LRRC3B: variants seen among roughly 807,000 people sequenced by gnomAD.
LRRC3B encodes leucine-rich repeat-containing protein 3B.
In LRRC3B, 2 loss-of-function variants were observed where a neutral mutation model predicts 12.8. The observed-to-expected ratio is 0.16, with a 90% CI of 0.06 to 0.49. The LOEUF is 0.49. Among genes scored for constraint, LRRC3B ranks in the 20% least tolerant of loss-of-function variants. The pLI is 0.96. For synonymous variants in LRRC3B, 132 were observed against 122.0 expected, an observed-to-expected ratio of 1.08 and a Z score of -0.54; for missense variants, 189 against 319.4, an observed-to-expected ratio of 0.59 and a Z score of 3.11.
intron 1 of LRRC3B, among the ~76,000 whole-genome samples, chr3:26,670,597 A>G (rs2125430549): frequency 6.6e-6 from 1 of 152,312 alleles, no homozygotes; most frequent in Admixed American, 6.5e-5. Flanking sequence ...TTACTACATC[A>G]AGGGTTTTAT....
At chr3:26,676,735 C>T (rs147819060) in intron 1 of LRRC3B, among the ~76,000 whole-genome samples, 11 of 152,284 alleles carry the variant, frequency 7.2e-5, no homozygotes, top group Admixed American at 3.3e-4. Context: ...CATCCCATTA[C>T]GGGTATATAC....
At chr3:26,703,894 A>C (rs183310618) in intron 1 of LRRC3B, among the ~76,000 whole-genome samples, 5 of 152,094 alleles carry the variant, frequency 3.3e-5, no homozygotes, top group African/African-American at 1.2e-4. Flanking sequence ...CTGAGGCATT[A>C]AATTTAGGTT....
chr3:26,690,607 T>C (rs1700170251), intron 1 of LRRC3B, among the ~76,000 whole-genome samples: 1 of 152,156 alleles, frequency 6.6e-6, no homozygotes, highest in Non-Finnish European at 1.5e-5. Flanking sequence ...AGCAACATTA[T>C]TCTCTGTGGA....
rs1699562608 is a variant in LRRC3B, at chr3:26,664,666, C to T, written c.-161+41429C>T. Among the ~76,000 whole-genome samples the T allele has an allele frequency of 2.0e-5, 3 of 152,098 alleles. No individual in the cohort carries two copies. In the South Asian group the frequency reaches 6.2e-4, roughly 32 times the overall value. On this transcript the variant is annotated intron_variant, in intron 1 of 1. Coordinates refer to ENST00000396641, the Ensembl canonical transcript of LRRC3B. ...AAAGAGAAGGCCAAGAAAGGCTGTG[C>T]TATCGAGAGAGACCCACAGAGAATA...
chr3:26,639,731 G>A (rs1467945544), intron 1 of LRRC3B, among the ~76,000 whole-genome samples: 1 of 152,152 alleles, frequency 6.6e-6, no homozygotes, highest in Non-Finnish European at 1.5e-5. Flanking sequence ...GGAAATGTTA[G>A]AGTCCTGCTT....
In LRRC3B at chr3:26,667,909, C is replaced by CTTTAT. The variant is rs530142803; in HGVS notation, c.-160-41590_-160-41586dup. ...CCAATTTTTTTTTACATAAAACAAA[C>CTTTAT]TTTATTTTATTTTATTTTTTTATTT... On this transcript the variant is annotated intron_variant, in intron 1 of 1. Transcript: ENST00000396641. 1.8e-3 allele frequency among the ~76,000 whole-genome samples: 278 copies of CTTTAT among 151,592 alleles called. 4 individuals are homozygous for CTTTAT. In the South Asian group the frequency reaches 0.026, roughly 14 times the overall value.
intron 1 of LRRC3B, among the ~76,000 whole-genome samples, chr3:26,650,891 T>A (rs1048678373): frequency 2.6e-5 from 4 of 152,182 alleles, no homozygotes; most frequent in African/African-American, 9.6e-5. Context: ...CTCCAGCCCC[T>A]CTTGGTGCCA....
rs571906428 is a variant in LRRC3B at position 26,698,759 on chromosome 3, G to A, written c.-160-10754G>A. Among the ~76,000 whole-genome samples, 110 of 152,064 alleles carry A rather than the reference G, an allele frequency of 7.2e-4. 2 individuals carry two copies. The highest frequency in any genetic ancestry group is 3.4e-4 in the Non-Finnish European group (23 of 67,970). On this transcript the variant is annotated intron_variant, in intron 1 of 1. Transcript: ENST00000396641. ...TTTTGCTGAATAATTTGACAGCTGC[G>A]GTTGTCAAGACACTTTACCCCAAAA...
intron 1 of LRRC3B, among the ~76,000 whole-genome samples, chr3:26,653,615 A>T (rs1350275296): frequency 6.6e-6 from 1 of 152,308 alleles, no homozygotes; most frequent in South Asian, 2.1e-4. Flanking sequence ...CCTTTAAAAA[A>T]CAGTAAGATA....
chr3:26,696,820 A>G (rs897055912), intron 1 of LRRC3B, among the ~76,000 whole-genome samples: 1 of 152,206 alleles, frequency 6.6e-6, no homozygotes. Flanking sequence ...GCAAAAGACC[A>G]AAGAAGAATG....
At chr3:26,657,182 C>A (rs1328168017) in intron 1 of LRRC3B, among the ~76,000 whole-genome samples, 1 of 152,100 alleles carries the variant, frequency 6.6e-6, no homozygotes, top group African/African-American at 2.4e-5. Flanking sequence ...CTTTCCAAAC[C>A]ACAAACTCCC....
At chr3:26,682,900 A>G (rs1157105372) in intron 1 of LRRC3B, among the ~76,000 whole-genome samples, 2 of 152,242 alleles carry the variant, frequency 1.3e-5, no homozygotes, top group African/African-American at 2.4e-5. Flanking sequence ...ACCCCAAACA[A>G]TGTAAAATCT....
intron 1 of LRRC3B, among the ~76,000 whole-genome samples, chr3:26,639,794 T>C (rs1300580542): frequency 6.6e-6 from 1 of 152,206 alleles, no homozygotes; most frequent in Non-Finnish European, 1.5e-5. Flanking sequence ...TTAGTCTTTT[T>C]GTTAATCTAA....
chr3:26,704,701 G>T (rs200442038), intron 1 of LRRC3B, among the ~76,000 whole-genome samples: 1 of 151,916 alleles, frequency 6.6e-6, no homozygotes, highest in East Asian at 1.9e-4. Context: ...GTTGCACCCA[G>T]CTCTCCATTT....
At chr3:26,629,721 T>C (rs562261124) in intron 1 of LRRC3B, among the ~76,000 whole-genome samples, 79 of 152,332 alleles carry the variant, frequency 5.2e-4, no homozygotes, top group African/African-American at 1.5e-3. Flanking sequence ...GTGTGGTTTT[T>C]TATTGGGGTG....
intron 1 of LRRC3B, among the ~76,000 whole-genome samples, chr3:26,673,944 T>C (rs1345568113): frequency 1.3e-5 from 2 of 152,162 alleles, no homozygotes; most frequent in East Asian, 3.8e-4. Context: ...CCCAATTTCA[T>C]CTCCTGACCT....
intron 1 of LRRC3B, among the ~76,000 whole-genome samples, chr3:26,702,081 A>G (rs1339087786): frequency 6.6e-6 from 1 of 152,186 alleles, no homozygotes. Flanking sequence ...TTAAATTCTT[A>G]CCATGGGCAA....
chr3:26,653,275 C>A lies in LRRC3B; in HGVS notation c.-161+30038C>A, dbSNP rs547799250. 1.4e-3 allele frequency among the ~76,000 whole-genome samples: 216 copies of A among 152,284 alleles called. 3 individuals carry two copies. The highest frequency in any genetic ancestry group is 1.2e-3 in the East Asian group (6 of 5,188). The stretch of plus-strand genomic sequence containing the variant: ...AGGAAAATGACTTGCATCTCCTTGA[C>A]ATTCAGTTCAGCTGGTTTGTGTTAG... On this transcript the variant is annotated intron_variant, in intron 1 of 1. Coordinates refer to ENST00000396641, the Ensembl canonical transcript of LRRC3B.
intron 1 of LRRC3B, among the ~76,000 whole-genome samples, chr3:26,668,336 G>A (rs143122558): frequency 0.028 from 4,221 of 152,186 alleles, 89 homozygotes; most frequent in Middle Eastern, 0.065. Flanking sequence ...ACATTAGAGA[G>A]CTTAGTGGTG....
Sources: gnomAD v4.1 joint callset for allele counts (sites outside exome capture counted in the v4.1 genomes callset) on GRCh38, gnomAD v4.1.1 for gene constraint, MANE v1.5 for transcripts, NCBI Gene and HGNC (gene_info 2026-07-23, HGNC 2026-07-21) for gene names.